Variants in SLC22A16 observed in about 807,000 individuals in gnomAD.
The protein encoded by SLC22A16 is WUGSC:RG331P03.1.
A neutral mutation model predicts 52.9 loss-of-function variants in SLC22A16; 53 were observed. The ratio of observed to expected loss-of-function variants is 1.00; its 90% CI spans 0.80 to 1.26. The LOEUF is 1.26. Among genes scored for constraint, SLC22A16 ranks in the 50% most tolerant of loss-of-function variants. The pLI, the probability that SLC22A16 is intolerant of heterozygous loss-of-function variation, is 0.00. For missense variants in SLC22A16, 726 were observed against 704.0 expected (o/e 1.03, Z -0.35); for synonymous variants, 291 against 268.8 (o/e 1.08, Z -0.81).
intron 1 of SLC22A16, among the ~76,000 whole-genome samples, chr6:110,472,526 C>T (rs1465349877): frequency 6.6e-6 from 1 of 152,130 alleles, no homozygotes; most frequent in South Asian, 2.1e-4. Flanking sequence ...CACTAAGTGG[C>T]CCCCAATCAA....
intron 6 of SLC22A16, among the ~76,000 whole-genome samples, chr6:110,432,031 TC>T (rs1774527431): frequency 6.6e-6 from 1 of 152,188 alleles, no homozygotes; most frequent in Non-Finnish European, 1.5e-5. Context: ...TCAAGGAATA[TC>T]TTAATGTGCT....
chr6:110,441,667 G>A (rs1332397071), intron 4 of SLC22A16, among the ~76,000 whole-genome samples: 6 of 152,168 alleles, frequency 3.9e-5, no homozygotes, highest in Non-Finnish European at 7.3e-5. Flanking sequence ...GTAGAAAAAT[G>A]CCTGGGAAAC....
At chr6:110,476,171 A>G in intron 1 of SLC22A16, 1 of 473,554 alleles carries the variant, frequency 2.1e-6, no homozygotes, top group Non-Finnish European at 3.6e-6. Flanking sequence ...GGCCAGGCAC[A>G]GGCACCCCCT....
At chr6:110,445,291 C>T (rs1775126437) in intron 3 of SLC22A16, among the ~76,000 whole-genome samples, 1 of 152,148 alleles carries the variant, frequency 6.6e-6, no homozygotes, top group African/African-American at 2.4e-5. Context: ...TCTATCTTTG[C>T]TGGAATATTC....
chr6:110,433,753 A>T (rs1774601692), intron 6 of SLC22A16, among the ~76,000 whole-genome samples: 1 of 152,230 alleles, frequency 6.6e-6, no homozygotes, highest in African/African-American at 2.4e-5. Context: ...TCCCTTAGAA[A>T]ATGAAAACTT....
chr6:110,431,303 A>C, intron 6 of SLC22A16, 33 bp from the exon 7 acceptor site: 1 of 1,585,284 alleles, frequency 6.3e-7, no homozygotes. Flanking sequence ...GAGACAAGTA[A>C]GGCACAAGTG....
At chr6:110,464,939 T>A (rs1255171210) in intron 1 of SLC22A16, among the ~76,000 whole-genome samples, 1 of 151,842 alleles carries the variant, frequency 6.6e-6, no homozygotes, top group Non-Finnish European at 1.5e-5. Flanking sequence ...AGATAATCCA[T>A]CACAATCAGA....
chr6:110,425,241 G>A, intron 7 of SLC22A16, 156 bp from the exon 8 acceptor site: 1 of 1,517,524 alleles, frequency 6.6e-7, no homozygotes, highest in East Asian at 2.5e-5. Context: ...GGTTACTTGT[G>A]CTGGACTTCG....
At chr6:110,475,852 A>T (rs1041605000) in intron 1 of SLC22A16, 12 of 451,050 alleles carry the variant, frequency 2.7e-5, no homozygotes, top group Non-Finnish European at 5.3e-5. Context: ...GGGTGTACGG[A>T]GGTTAAACGT....
At chr6:110,473,492 T>C (rs1030725406) in intron 1 of SLC22A16, among the ~76,000 whole-genome samples, 56 of 2,016 alleles carry the variant, frequency 0.028, no homozygotes, top group African/African-American at 0.073. Context: ...CTGTTTTCCC[T>C]TTTTTTTTTT....
rs2114991078 is a variant in SLC22A16, at chr6:110,456,837, CA to C, written c.233del (p.Leu78CysfsTer64). The C allele has an allele frequency of 6.2e-7, 1 of 1,614,144 alleles. No homozygotes were observed. Among genetic ancestry groups the C allele is most frequent in the Non-Finnish European group, 8.5e-7 (1 of 1,180,002 alleles). On this transcript the variant is annotated frameshift_variant, in exon 2 of 8. Coordinates refer to ENST00000368919, the MANE Select transcript of SLC22A16 (RefSeq NM_033125.4). LOFTEE classifies it high-confidence loss of function. ...TAACATAATCTTTCTGGCCTGAAGACAACAGGGCCCCGGTGTCCTCCAAACT... is the reference window on the plus strand; with the variant it reads ...TAACATAATCTTTCTGGCCTGAAGACACAGGGCCCCGGTGTCCTCCAAACT... ...NWSLEDTGAL[L>X]SSGQKDYVTV...
intron 1 of SLC22A16, among the ~76,000 whole-genome samples, chr6:110,471,081 G>C (rs138393932): frequency 6.8e-4 from 104 of 152,296 alleles, no homozygotes; most frequent in African/African-American, 2.5e-3. Flanking sequence ...CACAGGTAGA[G>C]CCACATGCCA....
At chr6:110,474,675 G>A (rs75954537) in intron 1 of SLC22A16, among the ~76,000 whole-genome samples, 3,350 of 152,306 alleles carry the variant, frequency 0.022, 131 homozygotes, top group African/African-American at 0.077. Flanking sequence ...TCACCGTAGT[G>A]AGCTGTCACC....
Position 110,476,563 on chromosome 6 carries a change from G to T in SLC22A16, c.12C>A (p.Arg4=). MGS[R]HFEGIYDHVG... ...CGTGGTCATAAATCCCCTCGAAGTG[G>T]CGGGACCCCATGGTGCGGCCGTGCA... is the stretch of plus-strand genomic sequence containing the variant. The change falls in exon 1 of 8, where the codon CGC becomes CGA. Residue 4 remains arginine (R), a synonymous_variant. Coordinates refer to ENST00000368919, the MANE Select transcript of SLC22A16 (RefSeq NM_033125.4). The T allele has an allele frequency of 1.3e-6, 2 of 1,542,538 alleles. No homozygotes were observed. The highest frequency in any genetic ancestry group is 1.2e-5 in the South Asian group (1 of 83,234).
intron 1 of SLC22A16, among the ~76,000 whole-genome samples, chr6:110,459,855 A>T (rs1330418519): frequency 6.6e-6 from 1 of 152,226 alleles, no homozygotes; most frequent in Non-Finnish European, 1.5e-5. Flanking sequence ...ACCAACAGTG[A>T]CATATTTTCT....
intron 6 of SLC22A16, among the ~76,000 whole-genome samples, chr6:110,433,562 C>T (rs12214421): frequency 0.03 from 4,519 of 152,282 alleles, 110 homozygotes; most frequent in Non-Finnish European, 0.044. Context: ...AAGTCACTTG[C>T]CTTTCACACT....
chr6:110,454,592 T>G (rs1458567746), intron 2 of SLC22A16, among the ~76,000 whole-genome samples: 2 of 101,094 alleles, frequency 2.0e-5, no homozygotes, highest in East Asian at 5.0e-4. Flanking sequence ...ATATAATATA[T>G]ATTTATATAT....
chr6:110,434,442 G>T (rs1411328572), intron 6 of SLC22A16, among the ~76,000 whole-genome samples: 1 of 152,132 alleles, frequency 6.6e-6, no homozygotes, highest in African/African-American at 2.4e-5. Context: ...GCCCCCTGGA[G>T]CAAGAAGGCA....
In SLC22A16 at chr6:110,427,260, A is replaced by AAAAAAAAG. The variant is rs538137410; in HGVS notation, c.1522-2176_1522-2175insCTTTTTTT. On this transcript the variant is annotated intron_variant, in intron 7 of 7. Transcript: ENST00000368919. ...GAGACCCAATCTCAAAAAAAAAAAA[A>AAAAAAAAG]AAAAGAAAAAAAAGAAAGAAAGAAA... Among the ~76,000 whole-genome samples the AAAAAAAAG allele has an allele frequency of 3.5e-4, 48 of 137,986 alleles. 1 individual carries two copies. Among genetic ancestry groups the AAAAAAAAG allele is most frequent in the Admixed American group, 1.4e-3 (19 of 13,368 alleles). The allele number at this position is 137,986 out of a possible 152,430, so 90.5% of individuals were successfully genotyped here. A position where few individuals can be genotyped will look rare whatever the true frequency, so the allele number is the denominator to read the frequency against.
Sources: gnomAD v4.1 joint callset for allele counts (sites outside exome capture counted in the v4.1 genomes callset) on GRCh38, gnomAD v4.1.1 for gene constraint, MANE v1.5 for transcripts, NCBI Gene and HGNC (gene_info 2026-07-23, HGNC 2026-07-21) for gene names.